The following IL6R variants were observed in gnomAD, a reference collection of about 807,000 sequenced individuals.
IL6R encodes interleukin 6 receptor, also known as interleukin-6 receptor subunit alpha.
A neutral mutation model predicts 48.3 loss-of-function variants in IL6R; 38 were observed. The ratio of observed to expected loss-of-function variants is 0.79; its 90% CI spans 0.61 to 1.03. The LOEUF (loss-of-function observed/expected upper bound fraction) is 1.03, where lower values mean the gene tolerates loss of function less well. Ranked by LOEUF, IL6R falls within the 50% of genes least tolerant of loss-of-function variation. IL6R has a pLI of 0.00. For synonymous variants in IL6R, 264 were observed against 256.2 expected (o/e 1.03, Z -0.29); for missense variants, 534 against 618.3 (o/e 0.86, Z 1.45).
chr1:154,430,411 G>T, intron 2 of IL6R, 72 bp from the exon 3 acceptor site: 1 of 1,577,694 alleles, frequency 6.3e-7, no homozygotes, highest in South Asian at 1.1e-5. Context: ...AAGGGAGGCT[G>T]CCCTGTCTGC....
chr1:154,451,354 C>T (rs1204309361), intron 8 of IL6R, among the ~76,000 whole-genome samples: 1 of 152,008 alleles, frequency 6.6e-6, no homozygotes, highest in Non-Finnish European at 1.5e-5. Context: ...CCCATCTCTA[C>T]TAAAAATACA....
chr1:154,438,671 G>C (rs1689768398), intron 6 of IL6R, among the ~76,000 whole-genome samples: 1 of 152,158 alleles, frequency 6.6e-6, no homozygotes, highest in East Asian at 1.9e-4. Context: ...TCTTCCCCCA[G>C]ATTGGATGGT....
At chr1:154,447,476 T>TATATATATATACAC (rs1424013885) in intron 6 of IL6R, among the ~76,000 whole-genome samples, 9 of 68,810 alleles carry the variant, frequency 1.3e-4, no homozygotes, top group Admixed American at 6.7e-4. Flanking sequence ...TATATATATA[T>TATATATATATACAC]ACACACACAC....
At chr1:154,446,076 T>G (rs1372778228) in intron 6 of IL6R, among the ~76,000 whole-genome samples, 1 of 152,106 alleles carries the variant, frequency 6.6e-6, no homozygotes, top group Non-Finnish European at 1.5e-5. Flanking sequence ...CTTCTTTGTC[T>G]TCTGATTTTA....
At position 154,409,654 on chromosome 1, in the gene IL6R, A is replaced by G. The variant is rs146413717; in HGVS notation, c.85+3940A>G. On this transcript the variant is annotated intron_variant, in intron 1 of 9. Transcript: ENST00000368485. ...GTGATCATTCATTCACTCCAAAAATATATTTTTGGAGTGAACACCTCCTAC... is the reference window on the plus strand; with the variant it reads ...GTGATCATTCATTCACTCCAAAAATGTATTTTTGGAGTGAACACCTCCTAC... Among the ~76,000 whole-genome samples, 893 of 152,240 alleles carry G rather than the reference A, an allele frequency of 5.9e-3. 12 individuals carry two copies. Among genetic ancestry groups the G allele is most frequent in the African/African-American group, 0.02 (847 of 41,532 alleles).
intron 2 of IL6R, among the ~76,000 whole-genome samples, chr1:154,429,849 T>C (rs919533196): frequency 2.6e-5 from 4 of 152,176 alleles, no homozygotes; most frequent in Non-Finnish European, 5.9e-5. Flanking sequence ...TGCGTATGTG[T>C]GTGTGTGTAT....
intron 1 of IL6R, among the ~76,000 whole-genome samples, chr1:154,426,219 GA>G (rs1688960345): frequency 6.7e-6 from 1 of 149,904 alleles, no homozygotes. Flanking sequence ...GGAAGTTCGA[GA>G]AAAGCACCAG....
Position 154,413,132 on chromosome 1 carries a change from G to A in IL6R, c.85+7418G>A, listed in dbSNP as rs182189296. On this transcript the variant is annotated intron_variant, in intron 1 of 9. Transcript: ENST00000368485. ...TTCTCCTGCCTCAGCCTCCCGAGTA[G>A]CTGGGATTACAGGCATGCACCACCA... Among the ~76,000 whole-genome samples the A allele has an allele frequency of 7.9e-5, 12 of 152,080 alleles. No homozygotes were observed. In the East Asian group the frequency reaches 2.3e-3, roughly 29 times the overall value.
At chr1:154,456,185 T>A (rs1033387474) in intron 9 of IL6R, among the ~76,000 whole-genome samples, 3 of 151,450 alleles carry the variant, frequency 2.0e-5, no homozygotes, top group Non-Finnish European at 4.4e-5. Context: ...TGGCAATGGG[T>A]TGGAGAGCCA....
rs573242159 is a variant in IL6R, at chr1:154,407,470, G to A, written c.85+1756G>A. On this transcript the variant is annotated intron_variant, in intron 1 of 9. Transcript: ENST00000368485. ...ATGAAAGGCAGAACTGAGAGACTGG[G>A]GAGGAAGTGAAAGTCCTCCCAGCTC... 1.3e-5 allele frequency among the ~76,000 whole-genome samples: 2 copies of A among 152,286 alleles called. 1 individual carries two copies. The highest frequency in any genetic ancestry group is 4.1e-4 in the South Asian group (2 of 4,826).
chr1:154,412,812 T>G (rs1688105719), intron 1 of IL6R, among the ~76,000 whole-genome samples: 2 of 152,080 alleles, frequency 1.3e-5, no homozygotes, highest in East Asian at 3.8e-4. Flanking sequence ...CTAGAGAGGT[T>G]GAGAAACAAG....
In IL6R at chr1:154,465,670, A is replaced by AC; in HGVS notation, c.*291dup. ...CAAGACTCTTTGGACACTCACACGG[A>AC]CACTCAAAAGCTGGGCAGGTTGGTG... On this transcript the variant is annotated 3_prime_UTR_variant, in exon 10 of 10. Coordinates refer to ENST00000368485, the MANE Select transcript of IL6R (RefSeq NM_000565.4). The AC allele has an allele frequency of 2.5e-6, 1 of 401,172 alleles. No individual in the cohort carries two copies. Among genetic ancestry groups the AC allele is most frequent in the Non-Finnish European group, 4.6e-6 (1 of 215,108 alleles). The allele number at this position is 401,172 out of a possible 1,614,324, so 24.9% of individuals were successfully genotyped here.
intron 1 of IL6R, among the ~76,000 whole-genome samples, chr1:154,409,111 C>T (rs1026443161): frequency 3.9e-5 from 6 of 152,138 alleles, no homozygotes; most frequent in African/African-American, 1.4e-4. Flanking sequence ...GAATTCCAGT[C>T]TGGGCGACAG....
chr1:154,450,908 C>T (rs1028687731), intron 8 of IL6R, among the ~76,000 whole-genome samples: 1 of 152,250 alleles, frequency 6.6e-6, no homozygotes, highest in African/African-American at 2.4e-5. Context: ...AAAGCCCTAC[C>T]ATGGTGCAGT....
Position 154,454,598 on chromosome 1 carries a change from G to GGGAT in IL6R, c.1160+20_1160+23dup, listed in dbSNP as rs771951906. The GGGAT allele has an allele frequency of 2.6e-6, 4 of 1,552,648 alleles. No individual in the cohort carries two copies. Among genetic ancestry groups the GGGAT allele is most frequent in the Admixed American group, 1.7e-5 (1 of 59,900 alleles). On this transcript the variant is annotated intron_variant, in intron 9 of 9. Coordinates refer to ENST00000368485, the MANE Select transcript of IL6R (RefSeq NM_000565.4). ...TGTTCTGAGGTGAGATGGGTCCCAG[G>GGGAT]GGATGGCCCTGTGGTGTTCTCATAT...
At chr1:154,453,306 T>C (rs1421281347) in intron 8 of IL6R, among the ~76,000 whole-genome samples, 1 of 152,228 alleles carries the variant, frequency 6.6e-6, no homozygotes, top group Non-Finnish European at 1.5e-5. Context: ...TCAAGAGACA[T>C]GGGACATGCT....
At chr1:154,456,038 C>G (rs1411733039) in intron 9 of IL6R, among the ~76,000 whole-genome samples, 1 of 151,710 alleles carries the variant, frequency 6.6e-6, no homozygotes, top group Non-Finnish European at 1.5e-5. Context: ...GCCTGGGTGA[C>G]AGAATGAGAC....
In IL6R at chr1:154,452,554, C is replaced by A. The variant is rs548018975; in HGVS notation, c.1067-1934C>A. Among the ~76,000 whole-genome samples the A allele has an allele frequency of 4.6e-5, 7 of 152,276 alleles. No individual in the cohort carries two copies. The South Asian group carries it at 1.0e-3, about 23-fold the overall frequency. On this transcript the variant is annotated intron_variant, in intron 8 of 9. Transcript: ENST00000368485. ...TTTTTTTAAAAAACATTTGTTTGGCCGGGCGCGGTGGCTCACGCCTGTAAT... is the reference window on the plus strand; with the variant it reads ...TTTTTTTAAAAAACATTTGTTTGGCAGGGCGCGGTGGCTCACGCCTGTAAT...
Position 154,405,781 on chromosome 1 carries a change from C to A in IL6R, c.85+67C>A. Reference sequence around the variant, plus strand: ...GGCTGGGGGAAACCGCCTTGGTCACCGCAGTCTGTGGGAGGCTGGAGGGAG... The same window carrying A: ...GGCTGGGGGAAACCGCCTTGGTCACAGCAGTCTGTGGGAGGCTGGAGGGAG... On this transcript the variant is annotated intron_variant, in intron 1 of 9. Coordinates refer to ENST00000368485, the MANE Select transcript of IL6R (RefSeq NM_000565.4). This position sits in a 1 kb window ranked among gnomAD's most constrained non-coding sequence, Gnocchi z 5.2. 8.3e-7 allele frequency: 1 copy of A among 1,199,718 alleles called. No individual in the cohort carries two copies. The highest frequency in any genetic ancestry group is 1.1e-6 in the Non-Finnish European group (1 of 902,302). 74.3% of individuals were successfully genotyped at this position (1,199,718 alleles called of 1,614,324 possible).
Sources: gnomAD v4.1 joint callset for allele counts (sites outside exome capture counted in the v4.1 genomes callset) on GRCh38, gnomAD v4.1.1 for gene constraint, Gnocchi (gnomAD v3.1) non-coding constraint, MANE v1.5 for transcripts, NCBI Gene and HGNC (gene_info 2026-07-23, HGNC 2026-07-21) for gene names.